ATP8A2: variants seen among roughly 807,000 people sequenced by gnomAD.
The protein encoded by ATP8A2 is phospholipid-transporting ATPase IB.
In ATP8A2, 100 loss-of-function variants were observed where a neutral mutation model predicts 165.6. The observed-to-expected ratio is 0.60, with a 90% CI of 0.51 to 0.71. ATP8A2 has a LOEUF of 0.71. Among genes scored for constraint, ATP8A2 ranks in the 30% least tolerant of loss-of-function variants. The probability of loss-of-function intolerance (pLI) is 0.00; values close to 1 mark genes in which losing one functional copy is unlikely to be tolerated. For missense variants in ATP8A2, 1,227 were observed against 1,479.5 expected (o/e 0.83, Z 2.80); for synonymous variants, 543 against 548.8 (o/e 0.99, Z 0.15).
chr13:25,837,431 A>G (rs1239470611), intron 29 of ATP8A2, 146 bp downstream of exon 29: 1 of 185,044 alleles, frequency 5.4e-6, no homozygotes, highest in Non-Finnish European at 9.6e-6. Flanking sequence ...CACCACACAC[A>G]CACACACACA....
chr13:25,550,900 T>C (rs527307882), intron 10 of ATP8A2, among the ~76,000 whole-genome samples: 1 of 152,346 alleles, frequency 6.6e-6, no homozygotes, highest in Admixed American at 6.5e-5. Context: ...TTTAGAAATA[T>C]CTCTGTGTAT....
chr13:25,835,330 G>A (rs965240627), intron 28 of ATP8A2, among the ~76,000 whole-genome samples: 5 of 152,050 alleles, frequency 3.3e-5, no homozygotes, highest in Admixed American at 3.3e-4. Flanking sequence ...AGTCTTTGTA[G>A]CACATTGAAA....
At chr13:25,646,329 G>A (rs1025744749) in intron 24 of ATP8A2, among the ~76,000 whole-genome samples, 1 of 151,866 alleles carries the variant, frequency 6.6e-6, no homozygotes, top group African/African-American at 2.4e-5. Flanking sequence ...TGAATGTTTT[G>A]TAGGCATTAT....
intron 24 of ATP8A2, among the ~76,000 whole-genome samples, chr13:25,657,415 G>T (rs935607031): frequency 1.5e-4 from 23 of 152,140 alleles, no homozygotes; most frequent in African/African-American, 5.6e-4. Flanking sequence ...GCCTGGGGGG[G>T]TGAGACAGCA....
At chr13:25,852,573 A>G (rs1448873102) in intron 30 of ATP8A2, among the ~76,000 whole-genome samples, 1 of 152,168 alleles carries the variant, frequency 6.6e-6, no homozygotes, top group Non-Finnish European at 1.5e-5. Flanking sequence ...CAGTATTTCA[A>G]ATGAGTACTT....
intron 25 of ATP8A2, among the ~76,000 whole-genome samples, chr13:25,712,389 C>G (rs17487990): frequency 0.28 from 42,892 of 152,000 alleles, 7,744 homozygotes; most frequent in Middle Eastern, 0.41. Flanking sequence ...GGAAGATGAG[C>G]CTTGTAGGAA....
intron 24 of ATP8A2, among the ~76,000 whole-genome samples, chr13:25,640,153 A>C (rs557977273): frequency 4.6e-5 from 7 of 152,334 alleles, no homozygotes; most frequent in Admixed American, 4.6e-4. Context: ...AGAAAGCAGG[A>C]AAGATCTAAA....
chr13:25,574,906 C>G (rs1333664274), intron 19 of ATP8A2, 49 bp downstream of exon 19: 3 of 1,046,840 alleles, frequency 2.9e-6, no homozygotes, highest in Non-Finnish European at 4.4e-6. Flanking sequence ...TATTTATTTA[C>G]CAGCTTCATC....
Position 25,678,298 on chromosome 13 carries a change from A to T in ATP8A2, c.2212-20875A>T, listed in dbSNP as rs140039264. On this transcript the variant is annotated intron_variant, in intron 24 of 36. Coordinates refer to ENST00000381655, the MANE Select transcript of ATP8A2 (RefSeq NM_016529.6). ...GTCTCAGGCGGTAATTTCAGCAACA[A>T]GTGAAGAAGGCAGATAATAGGCTGG... 3.0e-3 allele frequency among the ~76,000 whole-genome samples: 461 copies of T among 152,290 alleles called. 1 individual carries two copies. Among genetic ancestry groups the T allele is most frequent in the Non-Finnish European group, 4.7e-3 (320 of 68,022 alleles).
At chr13:25,417,827 G>A (rs2034178273) in intron 1 of ATP8A2, among the ~76,000 whole-genome samples, 1 of 152,194 alleles carries the variant, frequency 6.6e-6, no homozygotes, top group South Asian at 2.1e-4. Flanking sequence ...CTTATGCATA[G>A]CAAATCTCAA....
chr13:25,469,217 G>GC, intron 2 of ATP8A2, 96 bp downstream of exon 2: 1 of 1,455,982 alleles, frequency 6.9e-7, no homozygotes, highest in Non-Finnish European at 9.3e-7. Context: ...CACCTGGCCG[G>GC]CCCCCGTCCA....
chr13:25,501,999 C>T (rs1461350143), intron 2 of ATP8A2, among the ~76,000 whole-genome samples: 2 of 152,174 alleles, frequency 1.3e-5, no homozygotes, highest in African/African-American at 4.8e-5. Context: ...TAATTACAGG[C>T]TGGGGAGCTC....
intron 2 of ATP8A2, among the ~76,000 whole-genome samples, chr13:25,516,762 TCTTTCTTC>T (rs1399026438): frequency 6.6e-6 from 1 of 151,586 alleles, no homozygotes; most frequent in Non-Finnish European, 1.5e-5. Flanking sequence ...ATTTTTTCTT[TCTTTCTTC>T]CTTTCTTTCT....
chr13:25,480,073 C>CAGA (rs2036119193), intron 2 of ATP8A2, among the ~76,000 whole-genome samples: 1 of 151,688 alleles, frequency 6.6e-6, no homozygotes, highest in Admixed American at 6.5e-5. Flanking sequence ...GGCGGCTGGG[C>CAGA]AGAGGCGCCC....
At chr13:25,628,651 T>C (rs1014529262) in intron 24 of ATP8A2, among the ~76,000 whole-genome samples, 2 of 152,032 alleles carry the variant, frequency 1.3e-5, no homozygotes, top group Admixed American at 6.6e-5. Flanking sequence ...ATCAGTCTCC[T>C]CTGATGGTTG....
intron 35 of ATP8A2, among the ~76,000 whole-genome samples, chr13:26,008,520 A>G (rs1956786699): frequency 6.6e-6 from 1 of 152,212 alleles, no homozygotes; most frequent in Non-Finnish European, 1.5e-5. Flanking sequence ...GGTAAAATAG[A>G]GAACGGAGGG....
intron 1 of ATP8A2, among the ~76,000 whole-genome samples, chr13:25,393,084 T>C (rs2033304092): frequency 1.3e-5 from 2 of 152,086 alleles, no homozygotes; most frequent in African/African-American, 4.8e-5. Context: ...CTGTACCACT[T>C]TTTAGTTCAT....
At chr13:25,691,954 T>A (rs2042734343) in intron 24 of ATP8A2, among the ~76,000 whole-genome samples, 1 of 152,134 alleles carries the variant, frequency 6.6e-6, no homozygotes, top group Non-Finnish European at 1.5e-5. Context: ...AGAGCATTAG[T>A]GCTGTCAAGA....
chr13:25,783,246 A>G (rs1250503553), intron 27 of ATP8A2, among the ~76,000 whole-genome samples: 2 of 152,234 alleles, frequency 1.3e-5, no homozygotes, highest in African/African-American at 4.8e-5. Flanking sequence ...CTGGGCTTAC[A>G]GTCCATGATT....
Sources: allele counts gnomAD v4.1 joint callset (sites outside exome capture counted in the v4.1 genomes callset), GRCh38; gene constraint gnomAD v4.1.1; transcripts MANE v1.5; gene names NCBI Gene and HGNC (gene_info 2026-07-23, HGNC 2026-07-21).